ZNF680: variants seen among roughly 807,000 people sequenced by gnomAD.
ZNF680 encodes the protein hypothetical protein FLJ90430.
Under a neutral mutation model 12.1 loss-of-function variants are expected in ZNF680, and 6 were observed. The ratio of observed to expected loss-of-function variants is 0.49; its 90% confidence interval spans 0.27 to 0.98. ZNF680 has a LOEUF of 0.98. ZNF680 is among the 50% of genes least tolerant of loss of function. ZNF680 has a pLI of 0.12. For missense variants in ZNF680, 561 were observed against 616.3 expected, an observed-to-expected ratio of 0.91 and a Z score of 0.95; for synonymous variants, 170 against 199.3, an observed-to-expected ratio of 0.85 and a Z score of 1.24.
chr7:64,524,207 G>A (rs1360877901), intron 3 of ZNF680, among the ~76,000 whole-genome samples: 1 of 150,572 alleles, frequency 6.6e-6, no homozygotes, highest in Admixed American at 6.6e-5. Context: ...GAGTGCAATG[G>A]TGAGATGTCA....
At chr7:64,550,659 A>AAGAGGTAAAATGGTTGATTGCT (rs1787028281) in intron 1 of ZNF680, among the ~76,000 whole-genome samples, 1 of 152,236 alleles carries the variant, frequency 6.6e-6, no homozygotes, top group Non-Finnish European at 1.5e-5. Flanking sequence ...GAATCATTGC[A>AAGAGGTAAAATGGTTGATTGCT]AGAGGTAAAA....
intron 1 of ZNF680, among the ~76,000 whole-genome samples, chr7:64,553,976 G>T (rs1343949350): frequency 6.6e-6 from 1 of 152,160 alleles, no homozygotes; most frequent in Admixed American, 6.5e-5. Flanking sequence ...CTCCCAAAGT[G>T]CCGAGATTGC....
At chr7:64,562,129 G>A (rs1787779303) in intron 1 of ZNF680, among the ~76,000 whole-genome samples, 1 of 151,082 alleles carries the variant, frequency 6.6e-6, no homozygotes, top group South Asian at 2.1e-4. Flanking sequence ...CTACTCGGGA[G>A]GCTGAGACAG....
chr7:64,559,474 GTTT>G (rs11299637), intron 1 of ZNF680, among the ~76,000 whole-genome samples: 1 of 146,356 alleles, frequency 6.8e-6, no homozygotes, highest in Non-Finnish European at 1.5e-5. Flanking sequence ...GTTTGTTTAG[GTTT>G]TTTTTTTTTG....
rs964793578 is a variant in ZNF680 at position 64,554,433 on chromosome 7, C to T, written c.30+8492G>A. 6.3e-4 allele frequency among the ~76,000 whole-genome samples: 95 copies of T among 151,452 alleles called. 1 individual carries two copies. The highest frequency in any genetic ancestry group is 1.5e-4 in the Non-Finnish European group (10 of 67,788). Reference sequence around the variant, plus strand: ...AGGTGGGGGGCAGCCCCCACCCGGCCGCTGCCCCGTCTGGGAGGTGGGGGG... The same window carrying T: ...AGGTGGGGGGCAGCCCCCACCCGGCTGCTGCCCCGTCTGGGAGGTGGGGGG... On this transcript the variant is annotated intron_variant, in intron 1 of 3. Transcript: ENST00000309683.
chr7:64,549,706 C>T (rs1422429109), intron 1 of ZNF680, among the ~76,000 whole-genome samples: 7 of 151,600 alleles, frequency 4.6e-5, no homozygotes, highest in Non-Finnish European at 7.4e-5. Context: ...AGACACTGGA[C>T]GCAGTGGCTC....
In ZNF680 at chr7:64,544,297, T is replaced by C. The variant is rs762258451; in HGVS notation, c.157+9A>G. The C allele has an allele frequency of 6.3e-7, 1 of 1,599,610 alleles. No homozygotes were observed. Among genetic ancestry groups the C allele is most frequent in the East Asian group, 2.2e-5 (1 of 44,468 alleles). ...CATATTAGGAATTGTGTGTTGAAGT[T>C]ATCCTCACCCAGGAAGACCAGGTTT... On this transcript the variant is annotated intron_variant, in intron 2 of 3. Transcript: ENST00000309683.
chr7:64,513,609 T>C, the ZNF680 span, among the ~76,000 whole-genome samples: 1 of 151,982 alleles, frequency 6.6e-6, no homozygotes, highest in African/African-American at 2.4e-5. Context: ...ACATTAACAG[T>C]ATGCAAAAGT....
downstream of ZNF680, among the ~76,000 whole-genome samples, chr7:64,516,691 T>C (rs2116336978): frequency 6.6e-6 from 1 of 152,212 alleles, no homozygotes; most frequent in Non-Finnish European, 1.5e-5. Flanking sequence ...GACGTGAAAC[T>C]TTCTCCAAGA....
chr7:64,540,703 T>C (rs1175706769), intron 3 of ZNF680, among the ~76,000 whole-genome samples: 1 of 152,178 alleles, frequency 6.6e-6, no homozygotes, highest in African/African-American at 2.4e-5. Context: ...AATAAACTGA[T>C]GTTTAAAAAG....
the ZNF680 span, among the ~76,000 whole-genome samples, chr7:64,504,277 A>G: frequency 6.6e-6 from 1 of 152,214 alleles, no homozygotes; most frequent in Non-Finnish European, 1.5e-5. Context: ...AGCTGGTGCC[A>G]GGAAAGAACG....
Position 64,520,204 on chromosome 7 carries a change from C to T in ZNF680, c.*957G>A, listed in dbSNP as rs908787689. On this transcript the variant is annotated 3_prime_UTR_variant, in exon 4 of 4. Transcript: ENST00000309683. ...TAATGCCCATCTAATAAAAAAGAAT[C>T]TCTCCTATATCTGACACAGCAACAA... 5 of 151,668 alleles carry T rather than the reference C, an allele frequency of 3.3e-5. No individual in the cohort carries two copies. Among genetic ancestry groups the T allele is most frequent in the Non-Finnish European group, 7.4e-5 (5 of 67,674 alleles). 9.4% of individuals were successfully genotyped at this position (151,668 alleles called of 1,614,324 possible).
the ZNF680 span, among the ~76,000 whole-genome samples, chr7:64,510,828 T>G: frequency 8.4e-6 from 1 of 119,760 alleles, no homozygotes; most frequent in African/African-American, 3.3e-5. Context: ...GAGAATGGCG[T>G]GAACCCGGGA....
chr7:64,558,839 G>A (rs936152979), intron 1 of ZNF680, among the ~76,000 whole-genome samples: 12 of 151,116 alleles, frequency 7.9e-5, no homozygotes, highest in South Asian at 4.2e-4. Context: ...AGGACACACC[G>A]GGGAGAAAGA....
intron 1 of ZNF680, among the ~76,000 whole-genome samples, chr7:64,553,797 G>C (rs1188177389): frequency 6.6e-6 from 1 of 152,194 alleles, no homozygotes; most frequent in African/African-American, 2.4e-5. Flanking sequence ...GTGTTGGCCG[G>C]GCTGGTCTCC....
chr7:64,540,359 C>G (rs1231976945), intron 3 of ZNF680, among the ~76,000 whole-genome samples: 5 of 143,700 alleles, frequency 3.5e-5, no homozygotes, highest in South Asian at 2.1e-4. Context: ...GGCTGGAGTA[C>G]AGTAGTGCAA....
At chr7:64,551,990 C>G (rs1787106088) in intron 1 of ZNF680, 6 of 152,244 alleles carry the variant, frequency 3.9e-5, no homozygotes, top group Admixed American at 3.9e-4. Context: ...TCCTCCATCT[C>G]TGCTGCTCTC....
At chr7:64,524,435 A>G (rs1434606463) in intron 3 of ZNF680, among the ~76,000 whole-genome samples, 1 of 152,150 alleles carries the variant, frequency 6.6e-6, no homozygotes, top group South Asian at 2.1e-4. Flanking sequence ...TGGCTCACAA[A>G]GAAGAATATT....
chr7:64,528,918 A>C (rs1785710398), intron 3 of ZNF680, among the ~76,000 whole-genome samples: 1 of 152,048 alleles, frequency 6.6e-6, no homozygotes, highest in Non-Finnish European at 1.5e-5. Flanking sequence ...GGAAGAGTCC[A>C]TTTCACCCCC....
Sources: allele counts gnomAD v4.1 joint callset (sites outside exome capture counted in the v4.1 genomes callset), GRCh38; gene constraint gnomAD v4.1.1; transcripts MANE v1.5; gene names NCBI Gene and HGNC (gene_info 2026-07-23, HGNC 2026-07-21).